Variants in ABCA3 observed in about 807,000 individuals in gnomAD.
ABCA3 encodes the protein ATP binding cassette subfamily A member 3.
A neutral mutation model predicts 172.8 loss-of-function variants in ABCA3; 88 were observed. The observed-to-expected ratio is 0.51, with a 90% CI of 0.43 to 0.61. The LOEUF is 0.61. ABCA3 is among the 20% of genes least tolerant of loss of function. ABCA3 has a pLI of 0.00. For synonymous variants in ABCA3, 1,066 were observed against 983.8 expected (o/e 1.08, Z -1.56); for missense variants, 2,164 against 2,301.0 (o/e 0.94, Z 1.22).
rs185179294 is a variant in ABCA3 at position 2,317,634 on chromosome 16, G to A, written c.990+14C>T. On this transcript the variant is annotated intron_variant, in intron 9 of 32. Transcript: ENST00000301732. Reference sequence around the variant, plus strand: ...TCCCCGTCCTCACCAGAGCCCCACCGACGCCATGCTCACCTTGACACAGAA... The same window carrying A: ...TCCCCGTCCTCACCAGAGCCCCACCAACGCCATGCTCACCTTGACACAGAA... 4.4e-3 allele frequency: 7,111 copies of A among 1,613,728 alleles called. 399 individuals carry two copies. In the Admixed American group the frequency reaches 0.11, roughly 24 times the overall value.
At position 2,278,432 on chromosome 16, in the gene ABCA3, G is replaced by A; in HGVS notation, c.4574C>T (p.Thr1525Ile). The change falls in exon 30 of 33, where the codon ACC (threonine) becomes ATC (isoleucine). Residue 1525 changes from threonine to isoleucine, a missense_variant. Transcript: ENST00000301732. The surrounding 1 kb of genome is among the most constrained non-coding windows in gnomAD (Gnocchi z 4.4). ...AGGCTCTCCGATCAGGGCGATGCCG[G>A]TGCTCAGCTTCCGCTTGTTACCACC... ...YSGGNKRKLSTGIALIGEPAV... is the reference protein window; with the variant it reads ...YSGGNKRKLSIGIALIGEPAV... 1.2e-6 allele frequency: 2 copies of A among 1,612,742 alleles called. No individual in the cohort carries two copies. The highest frequency in any genetic ancestry group is 1.7e-6 in the Non-Finnish European group (2 of 1,180,016).
In ABCA3 at chr16:2,319,569, G is replaced by A. The variant is rs766029036; in HGVS notation, c.873+12C>T. Reference sequence around the variant, plus strand: ...GTTTCTAGAGTGTTGGGGAGCCAAAGCGGGCAGTCACCTTCAGCCTCCTTT... The same window carrying A: ...GTTTCTAGAGTGTTGGGGAGCCAAAACGGGCAGTCACCTTCAGCCTCCTTT... On this transcript the variant is annotated intron_variant, in intron 8 of 32. Coordinates refer to ENST00000301732, the MANE Select transcript of ABCA3 (RefSeq NM_001089.3). 1 of 1,609,206 alleles carries A rather than the reference G, an allele frequency of 6.2e-7. No homozygotes were observed. The highest frequency in any genetic ancestry group is 8.5e-7 in the Non-Finnish European group (1 of 1,179,830).
intron 3 of ABCA3, among the ~76,000 whole-genome samples, chr16:2,328,215 C>G (rs886905781): frequency 6.6e-6 from 1 of 152,114 alleles, no homozygotes; most frequent in South Asian, 2.1e-4. Context: ...TAGCTAAAAT[C>G]TGTCTTACTA....
chr16:2,304,432 C>T (rs576924576), intron 11 of ABCA3, among the ~76,000 whole-genome samples: 7 of 151,466 alleles, frequency 4.6e-5, no homozygotes, highest in Non-Finnish European at 8.8e-5. Context: ...TATGTACACA[C>T]GTACATATGC....
intron 6 of ABCA3, 22 bp from the exon 7 acceptor site, chr16:2,323,710 C>A (rs770229943): frequency 1.2e-6 from 2 of 1,613,998 alleles, no homozygotes; most frequent in Non-Finnish European, 1.7e-6. Context: ...AAGAGAAAAC[C>A]AGCTGTTCCG....
chr16:2,309,970 G>A (rs556206743), intron 10 of ABCA3, among the ~76,000 whole-genome samples: 3 of 151,868 alleles, frequency 2.0e-5, no homozygotes, highest in Non-Finnish European at 4.4e-5. Context: ...AATTATTAAC[G>A]ACACCAAAGG....
Position 2,278,265 on chromosome 16 carries a change from T to C in ABCA3, c.4718+23A>G, listed in dbSNP as rs161425. On this transcript the variant is annotated intron_variant, in intron 30 of 32. Transcript: ENST00000301732. The surrounding 1 kb of genome is among the most constrained non-coding windows in gnomAD (Gnocchi z 4.4). The stretch of plus-strand genomic sequence containing the variant: ...GCCCACCCGGTGCTGAAACTTCCAG[T>C]AACCCACAGACCCAGGCTCTACCTG... The C allele has an allele frequency of 2.8e-3, 4,570 of 1,605,098 alleles. 7 individuals are homozygous for C. The highest frequency in any genetic ancestry group is 3.6e-3 in the Non-Finnish European group (4,218 of 1,179,922).
Position 2,287,020 on chromosome 16 carries a change from C to T in ABCA3, c.3005-53G>A. The T allele has an allele frequency of 6.3e-7, 1 of 1,579,384 alleles. No homozygotes were observed. Among genetic ancestry groups the T allele is most frequent in the Non-Finnish European group, 8.6e-7 (1 of 1,162,448 alleles). ...CACAGGAAGAGGTGACACCTGGGCA[C>T]CCCCTGCCACCTGAGCATGGCTAAT... On this transcript the variant is annotated intron_variant, in intron 21 of 32. Transcript: ENST00000301732. This position sits in a 1 kb window ranked among gnomAD's most constrained non-coding sequence, Gnocchi z 4.1.
chr16:2,302,472 T>G (rs927932987), intron 12 of ABCA3, among the ~76,000 whole-genome samples: 1 of 152,064 alleles, frequency 6.6e-6, no homozygotes, highest in Admixed American at 6.6e-5. Flanking sequence ...CTTGTAAGCA[T>G]TTTTTACAAT....
intron 11 of ABCA3, among the ~76,000 whole-genome samples, chr16:2,307,675 AGCTCACT>A (rs2093700010): frequency 2.0e-5 from 3 of 152,060 alleles, no homozygotes; most frequent in African/African-American, 7.2e-5. Flanking sequence ...GTGCGATCTC[AGCTCACT>A]GCAAGCTCCG....
chr16:2,284,004 G>C lies in ABCA3; in HGVS notation c.3862+275C>G. ...GGAAGGGTCCTCCCCTGAGCCATGG[G>C]GGATTCACTCCTCGTGCTAAGCGCT... is the stretch of plus-strand genomic sequence containing the variant. On this transcript the variant is annotated intron_variant, in intron 25 of 32. Transcript: ENST00000301732. This position sits in a 1 kb window ranked among gnomAD's most constrained non-coding sequence, Gnocchi z 5.9. 1 of 412,716 alleles carries C rather than the reference G, an allele frequency of 2.4e-6. No homozygotes were observed. Among genetic ancestry groups the C allele is most frequent in the Non-Finnish European group, 4.5e-6 (1 of 222,330 alleles). The allele number at this position is 412,716 out of a possible 1,614,324, so 25.6% of individuals were successfully genotyped here. A position where few individuals can be genotyped will look rare whatever the true frequency, so the allele number is the denominator to read the frequency against.
Position 2,279,194 on chromosome 16 carries a change from C to CTT in ABCA3, c.4360-65_4360-64insAA. On this transcript the variant is annotated intron_variant, in intron 28 of 32. Transcript: ENST00000301732. The surrounding 1 kb of genome is among the most constrained non-coding windows in gnomAD (Gnocchi z 4.4). The stretch of plus-strand genomic sequence containing the variant: ...AGGGAAGCCTCCTTCCTCCAGAGGA[C>CTT]CACGGGGACTACCCTTGAGGTGCCC... 1 of 1,576,954 alleles carries CTT rather than the reference C, an allele frequency of 6.3e-7. No homozygotes were observed.
At chr16:2,317,583 A>T in intron 9 of ABCA3, 65 bp downstream of exon 9, 1 of 1,596,424 alleles carries the variant, frequency 6.3e-7, no homozygotes, top group East Asian at 2.2e-5. Flanking sequence ...TCTTCCCAAG[A>T]GGGCCCTCCT....
rs767845267 is a variant in ABCA3 at position 2,281,258 on chromosome 16, C to T, written c.4165-37G>A. The T allele has an allele frequency of 2.5e-6, 4 of 1,613,240 alleles. No individual in the cohort carries two copies. Among genetic ancestry groups the T allele is most frequent in the Admixed American group, 1.7e-5 (1 of 60,022 alleles). On this transcript the variant is annotated intron_variant, in intron 27 of 32. Coordinates refer to ENST00000301732, the MANE Select transcript of ABCA3 (RefSeq NM_001089.3). The surrounding 1 kb of genome is among the most constrained non-coding windows in gnomAD (Gnocchi z 4.7). ...CAACAGAAAACACGGAATGCGGAGG[C>T]CTGGACGCAAAGCAGAGCAGTCTGA...
intron 19 of ABCA3, among the ~76,000 whole-genome samples, chr16:2,291,724 A>G (rs1182688845): frequency 6.6e-6 from 1 of 152,198 alleles, no homozygotes; most frequent in Non-Finnish European, 1.5e-5. Context: ...CTGTTCCTCC[A>G]GCCTCACGTG....
intron 1 of ABCA3, chr16:2,332,317 C>A: frequency 1.4e-6 from 1 of 699,332 alleles, no homozygotes; most frequent in Non-Finnish European, 2.6e-6. Context: ...ATGGGCTTAT[C>A]GGTAGGATTT....
In ABCA3 at chr16:2,297,977, G is replaced by C; in HGVS notation, c.1897-56C>G. 1 of 1,604,654 alleles carries C rather than the reference G, an allele frequency of 6.2e-7. No homozygotes were observed. The highest frequency in any genetic ancestry group is 8.5e-7 in the Non-Finnish European group (1 of 1,175,456). On this transcript the variant is annotated intron_variant, in intron 15 of 32. Transcript: ENST00000301732. The surrounding 1 kb of genome is among the most constrained non-coding windows in gnomAD (Gnocchi z 5.6). ...GGGCTCCTGGCGGGAGGCCGACCCT[G>C]GCCAGCGAGGTTCTGGTGAGAGGAA...
At chr16:2,311,062 C>T (rs962562394) in intron 10 of ABCA3, among the ~76,000 whole-genome samples, 2 of 152,032 alleles carry the variant, frequency 1.3e-5, no homozygotes, top group Non-Finnish European at 2.9e-5. Context: ...AAACGTCTAC[C>T]TCCTGGGTTC....
intron 18 of ABCA3, 111 bp from the exon 19 acceptor site, chr16:2,292,349 C>T: frequency 1.1e-6 from 1 of 904,678 alleles, no homozygotes; most frequent in Non-Finnish European, 1.8e-6. Flanking sequence ...CCTGTAACCC[C>T]AGCACTTTGG....
Sources: gnomAD v4.1 joint callset for allele counts (sites outside exome capture counted in the v4.1 genomes callset) on GRCh38, gnomAD v4.1.1 for gene constraint, Gnocchi (gnomAD v3.1) non-coding constraint, MANE v1.5 for transcripts, NCBI Gene and HGNC (gene_info 2026-07-23, HGNC 2026-07-21) for gene names.